STAU2: variants seen among roughly 807,000 people sequenced by gnomAD.
The protein encoded by STAU2 is staufen double-stranded RNA binding protein 2.
A neutral mutation model predicts 65.9 loss-of-function variants in STAU2; 20 were observed. The ratio of observed to expected loss-of-function variants is 0.30; its 90% CI spans 0.21 to 0.44. The LOEUF (loss-of-function observed/expected upper bound fraction) is 0.44. Ranked by LOEUF, STAU2 falls within the 20% of genes least tolerant of loss-of-function variation. STAU2 has a pLI of 1.00. For missense variants in STAU2, 558 were observed against 683.9 expected, an observed-to-expected ratio of 0.82 and a Z score of 2.05; for synonymous variants, 232 against 233.9, an observed-to-expected ratio of 0.99 and a Z score of 0.07.
At chr8:73,500,209 C>CG (rs1378469960) in intron 13 of STAU2, among the ~76,000 whole-genome samples, 7 of 151,850 alleles carry the variant, frequency 4.6e-5, no homozygotes, top group Admixed American at 2.0e-4. Context: ...CACAGATGCT[C>CG]AAGTCCTTTA....
chr8:73,521,979 T>A (rs992413209), intron 13 of STAU2, among the ~76,000 whole-genome samples: 3 of 152,228 alleles, frequency 2.0e-5, no homozygotes, highest in African/African-American at 2.4e-5. Flanking sequence ...GTGGTTGATT[T>A]ACTAATTCAT....
intron 1 of STAU2, among the ~76,000 whole-genome samples, chr8:73,742,789 C>A (rs1806977605): frequency 6.6e-6 from 1 of 152,010 alleles, no homozygotes; most frequent in Admixed American, 6.6e-5. Flanking sequence ...CAATGTACTG[C>A]TGATATAAGT....
chr8:73,562,969 T>C (rs1449781920), intron 12 of STAU2, among the ~76,000 whole-genome samples: 2 of 151,788 alleles, frequency 1.3e-5, no homozygotes, highest in Admixed American at 6.6e-5. Flanking sequence ...TAAAATAATA[T>C]ATATATATAA....
chr8:73,575,877 C>CA (rs1227346028), intron 12 of STAU2, among the ~76,000 whole-genome samples: 1 of 151,656 alleles, frequency 6.6e-6, no homozygotes, highest in East Asian at 1.9e-4. Context: ...CTAATGAGGA[C>CA]AAAAAATACG....
At chr8:73,731,435 T>C (rs1481915247) in intron 3 of STAU2, among the ~76,000 whole-genome samples, 3 of 152,228 alleles carry the variant, frequency 2.0e-5, no homozygotes, top group Non-Finnish European at 4.4e-5. Flanking sequence ...CTGCAGCCAA[T>C]AAACTGCCTC....
chr8:73,502,379 CT>C (rs1387715116), intron 13 of STAU2, among the ~76,000 whole-genome samples: 2 of 151,972 alleles, frequency 1.3e-5, no homozygotes, highest in African/African-American at 4.8e-5. Context: ...TTGACTTCCC[CT>C]GACCCACTAG....
intron 6 of STAU2, among the ~76,000 whole-genome samples, chr8:73,669,596 C>A (rs1376807116): frequency 1.3e-5 from 2 of 151,966 alleles, no homozygotes; most frequent in Non-Finnish European, 2.9e-5. Flanking sequence ...GCCAGGCACA[C>A]TTCTACTGCG....
chr8:73,431,963 TA>T (rs1183317747), intron 13 of STAU2, among the ~76,000 whole-genome samples: 1 of 152,250 alleles, frequency 6.6e-6, no homozygotes, highest in Non-Finnish European at 1.5e-5. Flanking sequence ...ATGTGGGTAT[TA>T]ACTTATCCCC....
intron 6 of STAU2, among the ~76,000 whole-genome samples, chr8:73,668,386 T>C (rs1013547540): frequency 2.6e-5 from 4 of 150,970 alleles, no homozygotes; most frequent in Admixed American, 6.6e-5. Context: ...ATAACCTAGT[T>C]TGAGTTTTGG....
At chr8:73,599,788 C>T (rs1190408189) in intron 10 of STAU2, among the ~76,000 whole-genome samples, 1 of 149,858 alleles carries the variant, frequency 6.7e-6, no homozygotes, top group Non-Finnish European at 1.5e-5. Flanking sequence ...TTTTTTGAGA[C>T]GGAGTCTCGC....
chr8:73,709,678 CCTTT>C (rs1357605714), intron 3 of STAU2, among the ~76,000 whole-genome samples: 1 of 151,744 alleles, frequency 6.6e-6, no homozygotes, highest in Admixed American at 6.6e-5. Flanking sequence ...AATTAACTCC[CCTTT>C]CTGTTTTTTT....
At chr8:73,464,609 C>CAA (rs1563607795) in intron 13 of STAU2, among the ~76,000 whole-genome samples, 1 of 152,170 alleles carries the variant, frequency 6.6e-6, no homozygotes, top group Non-Finnish European at 1.5e-5. Context: ...CGCACACACA[C>CAA]ACACACACAC....
At chr8:73,427,604 G>C (rs1420664263) in intron 13 of STAU2, among the ~76,000 whole-genome samples, 1 of 152,240 alleles carries the variant, frequency 6.6e-6, no homozygotes, top group East Asian at 1.9e-4. Flanking sequence ...GAAGTGCTAA[G>C]GCGGCTATGC....
At chr8:73,551,277 G>A in intron 13 of STAU2, 3 of 987,240 alleles carry the variant, frequency 3.0e-6, no homozygotes, top group Non-Finnish European at 3.6e-6. Flanking sequence ...ATAAATAGGG[G>A]AAAAAAAGTT....
At chr8:73,700,148 C>T (rs1762649342) in intron 4 of STAU2, among the ~76,000 whole-genome samples, 1 of 152,176 alleles carries the variant, frequency 6.6e-6, no homozygotes, top group Admixed American at 6.5e-5. Flanking sequence ...CCTCAAATAA[C>T]TGGGCATAAA....
intron 13 of STAU2, among the ~76,000 whole-genome samples, chr8:73,504,804 A>G (rs193002506): frequency 6.6e-6 from 1 of 152,174 alleles, no homozygotes; most frequent in African/African-American, 2.4e-5. Flanking sequence ...GGTTTATTCT[A>G]TGGCTATTGG....
chr8:73,661,964 G>C (rs1268762524), intron 6 of STAU2, among the ~76,000 whole-genome samples: 1 of 152,084 alleles, frequency 6.6e-6, no homozygotes, highest in Non-Finnish European at 1.5e-5. Context: ...GGAATTGCTG[G>C]GTGGTAAGAT....
intron 11 of STAU2, among the ~76,000 whole-genome samples, chr8:73,586,123 T>C (rs756212333): frequency 2.1e-4 from 32 of 152,084 alleles, no homozygotes; most frequent in Non-Finnish European, 3.7e-4. Context: ...CAGCAGGAGG[T>C]AAGTCAAAGT....
chr8:73,735,074 C>G (rs113678242), intron 3 of STAU2, among the ~76,000 whole-genome samples: 4,245 of 152,184 alleles, frequency 0.028, 222 homozygotes, highest in African/African-American at 0.094. Flanking sequence ...GCTGAGACTA[C>G]AGGCATGTGT....
Sources: gnomAD v4.1 joint callset for allele counts (sites outside exome capture counted in the v4.1 genomes callset) on GRCh38, gnomAD v4.1.1 for gene constraint, MANE v1.5 for transcripts, NCBI Gene and HGNC (gene_info 2026-07-23, HGNC 2026-07-21) for gene names.